Variants in CSRNP3 observed in about 807,000 individuals in gnomAD.
The protein encoded by CSRNP3 is cysteine and serine rich nuclear protein 3.
A neutral mutation model predicts 48.0 loss-of-function variants in CSRNP3; 12 were observed. The observed-to-expected ratio is 0.25, with a 90% CI of 0.16 to 0.41. The LOEUF is 0.41. Ranked by LOEUF, CSRNP3 falls within the 10% of genes least tolerant of loss-of-function variation. The probability of loss-of-function intolerance (pLI) is 1.00; values close to 1 mark genes in which losing one functional copy is unlikely to be tolerated. For synonymous variants in CSRNP3, 263 were observed against 269.7 expected (o/e 0.98, Z 0.24); for missense variants, 580 against 724.4 (o/e 0.80, Z 2.29).
At chr2:165,670,460 G>T (rs1237774665) in intron 5 of CSRNP3, among the ~76,000 whole-genome samples, 1 of 152,166 alleles carries the variant, frequency 6.6e-6, no homozygotes, top group Admixed American at 6.6e-5. Context: ...TGTATTAAAA[G>T]AATAGATATA....
At chr2:165,542,783 T>G (rs1684975707) in intron 3 of CSRNP3, among the ~76,000 whole-genome samples, 1 of 152,182 alleles carries the variant, frequency 6.6e-6, no homozygotes, top group South Asian at 2.1e-4. Flanking sequence ...ATCTTGTATA[T>G]TCTACTTGCA....
At chr2:165,602,222 T>TAGA (rs1685927477) in intron 4 of CSRNP3, among the ~76,000 whole-genome samples, 1 of 152,120 alleles carries the variant, frequency 6.6e-6, no homozygotes, top group South Asian at 2.1e-4. Flanking sequence ...AGATCCTTTC[T>TAGA]AGCCTGTAAT....
At chr2:165,505,377 G>A (rs1684412572) in intron 2 of CSRNP3, among the ~76,000 whole-genome samples, 1 of 152,118 alleles carries the variant, frequency 6.6e-6, no homozygotes, top group Non-Finnish European at 1.5e-5. Flanking sequence ...AGATACAGAA[G>A]TTGACTGGGC....
At position 165,679,842 on chromosome 2, in the gene CSRNP3, A is replaced by G; in HGVS notation, c.*89A>G. ...CTGGGCTCATCATTGTTTAAACTGA[A>G]GACCAAGAAAACTTGGACGGTGGTT... On this transcript the variant is annotated 3_prime_UTR_variant, in exon 7 of 7. Coordinates refer to ENST00000651982, the MANE Select transcript of CSRNP3 (RefSeq NM_001172173.2). The G allele has an allele frequency of 6.6e-7, 1 of 1,510,148 alleles. No individual in the cohort carries two copies. The allele number at this position is 1,510,148 out of a possible 1,614,324, so 93.5% of individuals were successfully genotyped here. A position where few individuals can be genotyped will look rare whatever the true frequency, so the allele number is the denominator to read the frequency against.
chr2:165,588,181 C>A (rs998214133), intron 3 of CSRNP3, among the ~76,000 whole-genome samples: 1 of 151,984 alleles, frequency 6.6e-6, no homozygotes, highest in Non-Finnish European at 1.5e-5. Flanking sequence ...ATCAAATGTC[C>A]TAAAGACAGA....
intron 3 of CSRNP3, among the ~76,000 whole-genome samples, chr2:165,592,818 T>TC (rs1685741538): frequency 6.8e-6 from 1 of 148,076 alleles, no homozygotes; most frequent in African/African-American, 2.5e-5. Flanking sequence ...TTTTTTTTTT[T>TC]TGAGACGGAG....
At position 165,679,617 on chromosome 2, in the gene CSRNP3, A is replaced by T. The variant is rs1211129352; in HGVS notation, c.1622A>T (p.Glu541Val). The T allele has an allele frequency of 6.2e-7, 1 of 1,613,994 alleles. No individual in the cohort carries two copies. The highest frequency in any genetic ancestry group is 1.3e-5 in the African/African-American group (1 of 74,934). Residue 541 changes from glutamate to valine, a missense_variant, in exon 7 of 7, where the codon GAA (glutamate) becomes GTA (valine). Coordinates refer to ENST00000651982, the MANE Select transcript of CSRNP3 (RefSeq NM_001172173.2). ...FHSYLKGPSQ[E>V]GFVSALNGDS... ...TCATACTTGAAAGGCCCCTCCCAAGAAGGGTTTGTCTCTGCATTGAATGGT... is the reference window on the plus strand; with the variant it reads ...TCATACTTGAAAGGCCCCTCCCAAGTAGGGTTTGTCTCTGCATTGAATGGT...
Position 165,657,826 on chromosome 2 carries a change from G to T in CSRNP3, c.214G>T (p.Val72Leu). 6.2e-7 allele frequency: 1 copy of T among 1,614,012 alleles called. No individual in the cohort carries two copies. The highest frequency in any genetic ancestry group is 8.5e-7 in the Non-Finnish European group (1 of 1,179,986). Residue 72 changes from valine to leucine, a missense_variant, in exon 5 of 7, where the codon GTG becomes TTG. Around this residue, in one of 4 missense-constraint regions of CSRNP3, gnomAD observed 83 missense variants for 139.6 expected, o/e 0.59. Coordinates refer to ENST00000651982, the MANE Select transcript of CSRNP3 (RefSeq NM_001172173.2). ...GAATGTACATTTTAGTTGTGTCACC[G>T]TGTACTACTTCACCAGGAGGCAAGG... ...TKNVHFSCVT[V>L]YYFTRRQGFT... is the part of the protein sequence containing the mutation.
chr2:165,677,704 T>C (rs1389697761), intron 6 of CSRNP3, among the ~76,000 whole-genome samples: 7 of 152,130 alleles, frequency 4.6e-5, no homozygotes, highest in Admixed American at 4.6e-4. Flanking sequence ...GGAAATTCCA[T>C]GGCTGGATAA....
chr2:165,570,757 C>T (rs941067107), intron 3 of CSRNP3, among the ~76,000 whole-genome samples: 1 of 151,784 alleles, frequency 6.6e-6, no homozygotes, highest in East Asian at 1.9e-4. Flanking sequence ...TAGCATAGCT[C>T]TAATGCTGTG....
At chr2:165,552,889 T>C (rs1258413055) in intron 3 of CSRNP3, among the ~76,000 whole-genome samples, 1 of 152,048 alleles carries the variant, frequency 6.6e-6, no homozygotes, top group African/African-American at 2.4e-5. Context: ...AGACAGGGTT[T>C]CACCATGTTG....
chr2:165,683,713 A>G lies in CSRNP3; in HGVS notation c.*3960A>G, dbSNP rs1218809046. 2 of 152,098 alleles carry G rather than the reference A, an allele frequency of 1.3e-5. No homozygotes were observed. Among genetic ancestry groups the G allele is most frequent in the Non-Finnish European group, 2.9e-5 (2 of 67,980 alleles). The allele number at this position is 152,098 out of a possible 1,614,324, so 9.4% of individuals were successfully genotyped here. ...TCTTGGGTAGTAAAAAGAGGGGAACACTACAAATTATAATGGATAATATTA... is the reference window on the plus strand; with the variant it reads ...TCTTGGGTAGTAAAAAGAGGGGAACGCTACAAATTATAATGGATAATATTA... On this transcript the variant is annotated 3_prime_UTR_variant, in exon 7 of 7. Coordinates refer to ENST00000651982, the MANE Select transcript of CSRNP3 (RefSeq NM_001172173.2).
intron 3 of CSRNP3, among the ~76,000 whole-genome samples, chr2:165,519,780 T>C (rs1461960217): frequency 2.0e-5 from 3 of 151,952 alleles, no homozygotes; most frequent in Non-Finnish European, 4.4e-5. Flanking sequence ...AAATAGGTAA[T>C]AAAAAACAAA....
At chr2:165,524,898 T>C (rs1030668397) in intron 3 of CSRNP3, among the ~76,000 whole-genome samples, 1 of 152,226 alleles carries the variant, frequency 6.6e-6, no homozygotes. Flanking sequence ...AATATCCACG[T>C]AGAAATTTGT....
chr2:165,679,337 A>C lies in CSRNP3; in HGVS notation c.1342A>C (p.Asn448His). 1 of 1,613,786 alleles carries C rather than the reference A, an allele frequency of 6.2e-7. No individual in the cohort carries two copies. The highest frequency in any genetic ancestry group is 8.5e-7 in the Non-Finnish European group (1 of 1,179,930). The part of the protein sequence containing the change: ...QIDSHIPGTP[N>H]QISENYSERD... ...AGATAGCCACATTCCAGGAACTCCAAATCAGATCTCTGAGAACTATTCTGA... is the reference window on the plus strand; with the variant it reads ...AGATAGCCACATTCCAGGAACTCCACATCAGATCTCTGAGAACTATTCTGA... Residue 448 changes from asparagine (N) to histidine (H), a missense_variant, in exon 7 of 7, where the codon AAT becomes CAT. Asn to His is a moderately conservative substitution (Grantham distance 68). Transcript: ENST00000651982.
At chr2:165,625,463 T>TA (rs751804276) in intron 4 of CSRNP3, among the ~76,000 whole-genome samples, 408 of 116,278 alleles carry the variant, frequency 3.5e-3, no homozygotes, top group Admixed American at 5.1e-3. Context: ...CTGTCTCTAA[T>TA]AAAAAAAAAA....
intron 4 of CSRNP3, among the ~76,000 whole-genome samples, chr2:165,621,192 A>G (rs1686333356): frequency 1.3e-5 from 2 of 151,898 alleles, no homozygotes; most frequent in Non-Finnish European, 2.9e-5. Flanking sequence ...AGTCCCGGGC[A>G]TTGTATTGAG....
chr2:165,665,185 A>G (rs1687158076), intron 5 of CSRNP3, among the ~76,000 whole-genome samples: 1 of 152,098 alleles, frequency 6.6e-6, no homozygotes, highest in Non-Finnish European at 1.5e-5. Context: ...GCACCCCACC[A>G]TGACCCCCAG....
At chr2:165,590,772 G>C (rs1229689055) in intron 3 of CSRNP3, among the ~76,000 whole-genome samples, 1 of 152,126 alleles carries the variant, frequency 6.6e-6, no homozygotes, top group Non-Finnish European at 1.5e-5. Context: ...TGCCATAATT[G>C]TAAGTTTCCT....
Sources: allele counts gnomAD v4.1 joint callset (sites outside exome capture counted in the v4.1 genomes callset), GRCh38; gene constraint gnomAD v4.1.1; regional missense constraint gnomAD v4.1.1; transcripts MANE v1.5; gene names NCBI Gene and HGNC (gene_info 2026-07-23, HGNC 2026-07-21).